The following LRRC4C variants were observed in gnomAD, a reference collection of about 807,000 sequenced individuals.
The protein encoded by LRRC4C is leucine-rich repeat-containing protein 4C.
LRRC4C carries 5 observed loss-of-function variants against 33.6 expected under a neutral mutation model. The observed-to-expected ratio is 0.15, with a 90% confidence interval of 0.08 to 0.31. The LOEUF (loss-of-function observed/expected upper bound fraction) is 0.31. Ranked by LOEUF, LRRC4C falls within the 10% of genes least tolerant of loss-of-function variation. The pLI, the probability that LRRC4C is intolerant of heterozygous loss-of-function variation, is 1.00. For synonymous variants in LRRC4C, 329 were observed against 302.0 expected (o/e 1.09, Z -0.93); for missense variants, 560 against 796.7 (o/e 0.70, Z 3.58).
chr11:40,271,205 C>A (rs1353121771), intron 4 of LRRC4C, among the ~76,000 whole-genome samples: 5 of 152,110 alleles, frequency 3.3e-5, no homozygotes, highest in African/African-American at 1.2e-4. Context: ...TCCCAATACC[C>A]CTTCCCTTCC....
chr11:41,160,532 G>A (rs1192022354), intron 1 of LRRC4C, among the ~76,000 whole-genome samples: 1 of 152,050 alleles, frequency 6.6e-6, no homozygotes, highest in Non-Finnish European at 1.5e-5. Flanking sequence ...TGATCTTAAG[G>A]ACAATGGCCA....
intron 3 of LRRC4C, among the ~76,000 whole-genome samples, chr11:40,438,088 C>T (rs1219785750): frequency 6.6e-6 from 1 of 152,208 alleles, no homozygotes; most frequent in African/African-American, 2.4e-5. Context: ...TGAATGTTGA[C>T]CTTACCTCTG....
chr11:41,135,696 A>G (rs1021672091), intron 1 of LRRC4C, among the ~76,000 whole-genome samples: 2 of 152,156 alleles, frequency 1.3e-5, no homozygotes, highest in African/African-American at 4.8e-5. Context: ...CATATAATAA[A>G]TGCTCAATAA....
At chr11:40,697,544 G>C (rs1444088063) in intron 2 of LRRC4C, among the ~76,000 whole-genome samples, 1 of 152,162 alleles carries the variant, frequency 6.6e-6, no homozygotes, top group Non-Finnish European at 1.5e-5. Flanking sequence ...TGAGATGTCT[G>C]TTAATGATGC....
At chr11:40,890,007 T>G (rs927244091) in intron 2 of LRRC4C, among the ~76,000 whole-genome samples, 6 of 152,172 alleles carry the variant, frequency 3.9e-5, no homozygotes, top group Admixed American at 3.9e-4. Flanking sequence ...AATAATTAGA[T>G]TCTTATTCTA....
chr11:41,189,763 G>T (rs1234252144), intron 1 of LRRC4C, among the ~76,000 whole-genome samples: 1 of 152,154 alleles, frequency 6.6e-6, no homozygotes, highest in African/African-American at 2.4e-5. Context: ...GAAGACAAAG[G>T]TGCAATGAGA....
intron 2 of LRRC4C, among the ~76,000 whole-genome samples, chr11:40,839,358 C>T (rs562096609): frequency 3.3e-5 from 5 of 152,176 alleles, no homozygotes; most frequent in Admixed American, 1.3e-4. Flanking sequence ...GCAATTCTCC[C>T]GCCTCAGCCT....
rs114920565 is a variant in LRRC4C at position 41,031,126 on chromosome 11, T to C, written c.-495-97403A>G. Reference sequence around the variant, plus strand: ...TTGCTTTCACGTGGCTGCTTAGAGCTGAAGGCCTCTCCACCTGAAGTTGAT... The same window carrying C: ...TTGCTTTCACGTGGCTGCTTAGAGCCGAAGGCCTCTCCACCTGAAGTTGAT... On this transcript the variant is annotated intron_variant, in intron 1 of 6. Coordinates refer to ENST00000528697, the MANE Select transcript of LRRC4C (RefSeq NM_001258419.2). 1.9e-3 allele frequency among the ~76,000 whole-genome samples: 283 copies of C among 152,100 alleles called. 1 individual carries two copies. The highest frequency in any genetic ancestry group is 6.3e-3 in the African/African-American group (263 of 41,536).
intron 1 of LRRC4C, among the ~76,000 whole-genome samples, chr11:41,170,205 A>G (rs985887150): frequency 6.6e-6 from 1 of 152,194 alleles, no homozygotes; most frequent in Non-Finnish European, 1.5e-5. Context: ...ATTCAATGCC[A>G]TCCCCATCAA....
intron 3 of LRRC4C, among the ~76,000 whole-genome samples, chr11:40,536,177 C>T (rs1301491491): frequency 1.3e-5 from 2 of 152,088 alleles, no homozygotes; most frequent in Non-Finnish European, 2.9e-5. Context: ...AGGTATAAGG[C>T]TGAACAGCCT....
intron 1 of LRRC4C, among the ~76,000 whole-genome samples, chr11:41,442,579 C>T (rs1445806789): frequency 3.4e-5 from 5 of 145,356 alleles, no homozygotes; most frequent in Non-Finnish European, 6.0e-5. Flanking sequence ...ACGCCATTCT[C>T]CTGCCTCAGC....
At chr11:40,643,203 A>G (rs1942230850) in intron 3 of LRRC4C, among the ~76,000 whole-genome samples, 1 of 152,128 alleles carries the variant, frequency 6.6e-6, no homozygotes, top group Non-Finnish European at 1.5e-5. Context: ...CAGAGAAAAA[A>G]CATTTGACTC....
chr11:40,332,376 A>C (rs1050282890), intron 3 of LRRC4C, among the ~76,000 whole-genome samples: 3 of 152,104 alleles, frequency 2.0e-5, no homozygotes, highest in Non-Finnish European at 4.4e-5. Context: ...TCTTCCTGTA[A>C]GTCTAATTTA....
At chr11:40,612,524 C>A (rs1362477935) in intron 3 of LRRC4C, among the ~76,000 whole-genome samples, 1 of 151,756 alleles carries the variant, frequency 6.6e-6, no homozygotes. Context: ...GTTAAGAGAG[C>A]AGATTTTATG....
At chr11:40,458,486 G>A (rs1952239354) in intron 3 of LRRC4C, among the ~76,000 whole-genome samples, 1 of 152,028 alleles carries the variant, frequency 6.6e-6, no homozygotes, top group Admixed American at 6.6e-5. Context: ...ACTAATTCTT[G>A]TATTCTTGCC....
At chr11:40,313,797 G>A (rs1945442172) in intron 4 of LRRC4C, among the ~76,000 whole-genome samples, 1 of 150,986 alleles carries the variant, frequency 6.6e-6, no homozygotes, top group South Asian at 2.1e-4. Flanking sequence ...TTAATTTTTA[G>A]TAGAGACGAA....
rs182843025 is a variant in LRRC4C at position 41,037,494 on chromosome 11, G to A, written c.-495-103771C>T. ...TGTGAGATTACAGGTGTGAGCCACT[G>A]TGCCTGACCCTAGATTTTCTTTATG... On this transcript the variant is annotated intron_variant, in intron 1 of 6. Coordinates refer to ENST00000528697, the MANE Select transcript of LRRC4C (RefSeq NM_001258419.2). Among the ~76,000 whole-genome samples, 21 of 151,868 alleles carry A rather than the reference G, an allele frequency of 1.4e-4. No individual in the cohort carries two copies. The East Asian group carries it at 3.7e-3, about 27-fold the overall frequency.
intron 1 of LRRC4C, among the ~76,000 whole-genome samples, chr11:41,247,065 A>G (rs954698283): frequency 6.6e-6 from 1 of 152,270 alleles, no homozygotes; most frequent in Non-Finnish European, 1.5e-5. Flanking sequence ...GCTGAAGTGC[A>G]GGGCACAGTC....
chr11:41,293,576 T>A (rs1314713543), intron 1 of LRRC4C, among the ~76,000 whole-genome samples: 1 of 151,862 alleles, frequency 6.6e-6, no homozygotes, highest in Non-Finnish European at 1.5e-5. Flanking sequence ...TATTTTATTT[T>A]TTTATTTTAT....
Sources: gnomAD v4.1 joint callset for allele counts (sites outside exome capture counted in the v4.1 genomes callset) on GRCh38, gnomAD v4.1.1 for gene constraint, MANE v1.5 for transcripts, NCBI Gene and HGNC (gene_info 2026-07-23, HGNC 2026-07-21) for gene names.